The following ESRRG variants were observed in gnomAD, a reference collection of about 807,000 sequenced individuals.
ESRRG encodes estrogen-related receptor gamma.
ESRRG carries 13 observed loss-of-function variants against 44.0 expected under a neutral mutation model. That is an observed-to-expected ratio of 0.30 (90% CI 0.19 to 0.47). ESRRG has a LOEUF of 0.47. Among genes scored for constraint, ESRRG ranks in the 20% least tolerant of loss-of-function variants. The pLI, the probability that ESRRG is intolerant of heterozygous loss-of-function variation, is 1.00. For synonymous variants in ESRRG, 215 were observed against 214.6 expected (o/e 1.00, Z -0.02); for missense variants, 395 against 580.6 (o/e 0.68, Z 3.29).
intron 1 of ESRRG, among the ~76,000 whole-genome samples, chr1:217,038,677 G>C (rs139695058): frequency 6.6e-6 from 1 of 152,184 alleles, no homozygotes; most frequent in East Asian, 1.9e-4. Flanking sequence ...TTCTTTCCAG[G>C]ACTCTGGACC....
upstream of ESRRG, among the ~76,000 whole-genome samples, chr1:217,090,937 T>C (rs2092333839): frequency 6.6e-6 from 1 of 152,238 alleles, no homozygotes; most frequent in South Asian, 2.1e-4. Flanking sequence ...AATATGAGAA[T>C]GCATTTTTAG....
chr1:216,712,487 C>A (rs887107825), intron 1 of ESRRG, among the ~76,000 whole-genome samples: 1 of 152,152 alleles, frequency 6.6e-6, no homozygotes, highest in Non-Finnish European at 1.5e-5. Flanking sequence ...TAGTGTTTTG[C>A]ATGTAGTATT....
intron 1 of ESRRG, among the ~76,000 whole-genome samples, chr1:217,002,429 G>T (rs188044795): frequency 1.3e-5 from 2 of 151,822 alleles, no homozygotes; most frequent in Admixed American, 6.6e-5. Flanking sequence ...TATGGGCTTA[G>T]ATTTTATTCC....
upstream of ESRRG, chr1:217,089,673 G>C (rs545361813): frequency 6.6e-6 from 1 of 152,086 alleles, no homozygotes; most frequent in East Asian, 1.9e-4. Flanking sequence ...CTCGGCAGGC[G>C]AGGGGGTGCT....
chr1:216,737,898 A>G (rs900252202), intron 2 of ESRRG, among the ~76,000 whole-genome samples: 1 of 152,166 alleles, frequency 6.6e-6, no homozygotes, highest in African/African-American at 2.4e-5. Flanking sequence ...TCGTCCTTAC[A>G]TACAGCCCAC....
At chr1:216,550,530 C>T (rs543931094) in intron 5 of ESRRG, among the ~76,000 whole-genome samples, 3 of 152,242 alleles carry the variant, frequency 2.0e-5, no homozygotes, top group Admixed American at 2.0e-4. Flanking sequence ...ACACAGTCTT[C>T]CTGTCACCTC....
chr1:217,044,355 A>C (rs1460883032), intron 1 of ESRRG, among the ~76,000 whole-genome samples: 1 of 151,932 alleles, frequency 6.6e-6, no homozygotes, highest in Non-Finnish European at 1.5e-5. Flanking sequence ...ATCTGTACAC[A>C]CTCACTGTGT....
In ESRRG at chr1:216,981,516, C is replaced by T. The variant is rs147580652; in HGVS notation, c.-105-41843G>A. Among the ~76,000 whole-genome samples, 1,168 of 152,208 alleles carry T rather than the reference C, an allele frequency of 7.7e-3. 5 individuals are homozygous for T. Among genetic ancestry groups the T allele is most frequent in the Non-Finnish European group, 9.7e-3 (657 of 68,014 alleles). ...GTAAATAACTCAAAACAGCACCTCGCACAAAACAACTCTTCAATAAATGTT... is the reference window on the plus strand; with the variant it reads ...GTAAATAACTCAAAACAGCACCTCGTACAAAACAACTCTTCAATAAATGTT... On this transcript the variant is annotated intron_variant, in intron 1 of 7. Transcript: ENST00000359162.
chr1:216,843,706 C>T (rs531381102), intron 2 of ESRRG, among the ~76,000 whole-genome samples: 1 of 152,234 alleles, frequency 6.6e-6, no homozygotes, highest in African/African-American at 2.4e-5. Context: ...TAAAGGATTA[C>T]AAATGTTAGT....
chr1:216,817,683 C>T (rs1327342607), intron 2 of ESRRG, among the ~76,000 whole-genome samples: 1 of 152,044 alleles, frequency 6.6e-6, no homozygotes, highest in African/African-American at 2.4e-5. Flanking sequence ...TATTCATCAT[C>T]CTGAAATATT....
At chr1:217,018,481 C>T (rs767601823) in intron 1 of ESRRG, among the ~76,000 whole-genome samples, 1 of 152,112 alleles carries the variant, frequency 6.6e-6, no homozygotes, top group Non-Finnish European at 1.5e-5. Context: ...TTTTTAATAT[C>T]GTGCACAAAG....
chr1:216,758,374 ATGT>A (rs1297131036), intron 2 of ESRRG, among the ~76,000 whole-genome samples: 1 of 152,068 alleles, frequency 6.6e-6, no homozygotes. Flanking sequence ...TTAAATCTAA[ATGT>A]GGCGGCACTC....
Position 217,060,815 on chromosome 1 carries a change from G to C in ESRRG, c.-106+28692C>G, listed in dbSNP as rs957753131. Among the ~76,000 whole-genome samples, 44 of 51,292 alleles carry C rather than the reference G, an allele frequency of 8.6e-4. No homozygotes were observed. In the East Asian group the frequency reaches 0.046, roughly 54 times the overall value. 33.6% of individuals were successfully genotyped at this position (51,292 alleles called of 152,430 possible). A position where few individuals can be genotyped will look rare whatever the true frequency, so the allele number is the denominator to read the frequency against. ...AGATAGATAGATAGATAGATAGATA[G>C]ATAGATAGATAGATAGAAAAAAGGG... On this transcript the variant is annotated intron_variant, in intron 1 of 7. Transcript: ENST00000359162.
intron 2 of ESRRG, among the ~76,000 whole-genome samples, chr1:216,658,199 T>A (rs2071136046): frequency 6.6e-6 from 1 of 152,116 alleles, no homozygotes; most frequent in Non-Finnish European, 1.5e-5. Context: ...TTTCTAACAA[T>A]AAGATTCTAT....
intron 3 of ESRRG, among the ~76,000 whole-genome samples, chr1:216,582,089 G>C (rs2062885536): frequency 6.6e-6 from 1 of 152,180 alleles, no homozygotes; most frequent in South Asian, 2.1e-4. Context: ...AACTATTTAA[G>C]TTGTTCTATA....
intron 1 of ESRRG, among the ~76,000 whole-genome samples, chr1:217,010,880 C>A (rs74141729): frequency 0.086 from 13,067 of 152,164 alleles, 1,487 homozygotes; most frequent in African/African-American, 0.26. Context: ...AAGTTTAATT[C>A]TCTTCTATAG....
chr1:216,763,371 C>T (rs1487155744), intron 2 of ESRRG, among the ~76,000 whole-genome samples: 1 of 152,096 alleles, frequency 6.6e-6, no homozygotes, highest in Non-Finnish European at 1.5e-5. Flanking sequence ...AACTCCTTTG[C>T]TCTCAACGGC....
At chr1:216,573,703 T>C (rs530681126) in intron 3 of ESRRG, among the ~76,000 whole-genome samples, 1 of 151,984 alleles carries the variant, frequency 6.6e-6, no homozygotes, top group South Asian at 2.1e-4. Context: ...CCATCACTAA[T>C]AATATTATTT....
intron 1 of ESRRG, among the ~76,000 whole-genome samples, chr1:216,971,316 G>A (rs1310449203): frequency 6.6e-6 from 1 of 152,168 alleles, no homozygotes; most frequent in African/African-American, 2.4e-5. Flanking sequence ...CAGAATGGAG[G>A]GAGAGCACTC....
Sources: allele counts gnomAD v4.1 joint callset (sites outside exome capture counted in the v4.1 genomes callset), GRCh38; gene constraint gnomAD v4.1.1; transcripts MANE v1.5; gene names NCBI Gene and HGNC (gene_info 2026-07-23, HGNC 2026-07-21).